The following SPATA31D3 variants were observed in gnomAD, a reference collection of about 807,000 sequenced individuals.
The protein encoded by SPATA31D3 is spermatogenesis-associated protein 31D3.
For missense variants in SPATA31D3, 91 were observed against 297.9 expected, an observed-to-expected ratio of 0.31 and a Z score of 5.11; for synonymous variants, 27 against 107.8, an observed-to-expected ratio of 0.25 and a Z score of 4.65.
In SPATA31D3 at chr9:81,949,125, G is replaced by C; in HGVS notation, c.*1118G>C. On this transcript the variant is annotated 3_prime_UTR_variant, in exon 4 of 4. Transcript: ENST00000445385. The stretch of plus-strand genomic sequence containing the variant: ...GTGTGGCACAGCAGCAGGAGCCCAG[G>C]GTCCCTACGCATGTCTTACAGAAAT... 4.8e-6 allele frequency: 3 copies of C among 625,928 alleles called. No individual in the cohort carries two copies. The highest frequency in any genetic ancestry group is 8.6e-6 in the Non-Finnish European group (3 of 346,866). The allele number at this position is 625,928 out of a possible 1,614,324, so 38.8% of individuals were successfully genotyped here. A position where few individuals can be genotyped will look rare whatever the true frequency, so the allele number is the denominator to read the frequency against.
Position 81,945,300 on chromosome 9 carries a change from T to TA in SPATA31D3, c.293+68_293+69insA, listed in dbSNP as rs1393196314. 86 of 1,252,062 alleles carry TA rather than the reference T, an allele frequency of 6.9e-5. 2 individuals are homozygous for TA. In the African/African-American group the frequency reaches 1.4e-3, roughly 21 times the overall value. 77.6% of individuals were successfully genotyped at this position (1,252,062 alleles called of 1,614,324 possible). A position where few individuals can be genotyped will look rare whatever the true frequency, so the allele number is the denominator to read the frequency against. On this transcript the variant is annotated intron_variant, in intron 3 of 3. Coordinates refer to ENST00000445385, the MANE Select transcript of SPATA31D3 (RefSeq NM_207416.3). ...TTTTTTTTTTTTTTTTTTTTTTTTT[T>TA]TTTTTTTTTTTTTTTTTGCATGTTC...
In SPATA31D3 at chr9:81,949,310, A is replaced by G; in HGVS notation, c.*1303A>G. On this transcript the variant is annotated 3_prime_UTR_variant, in exon 4 of 4. Coordinates refer to ENST00000445385, the MANE Select transcript of SPATA31D3 (RefSeq NM_207416.3). Reference sequence around the variant, plus strand: ...ACATCAAGGGAGTCGCTTGGGAGCAAATCTTCCCCAACCTTGAAAACACAG... The same window carrying G: ...ACATCAAGGGAGTCGCTTGGGAGCAGATCTTCCCCAACCTTGAAAACACAG... 2.7e-6 allele frequency: 1 copy of G among 367,950 alleles called. No individual in the cohort carries two copies. The highest frequency in any genetic ancestry group is 5.3e-6 in the Non-Finnish European group (1 of 189,078). 22.8% of individuals were successfully genotyped at this position (367,950 alleles called of 1,614,324 possible).
rs769813922 is a variant in SPATA31D3 at position 81,947,922 on chromosome 9, C to A, written c.2669C>A (p.Ser890Tyr). ...DHRVDTSQEM[S>Y]FLSSNKQKML... ...CGCGTTGATACCTCCCAGGAGATGTCCTTCCTTAGTTCCAACAAACAAAAG... is the reference window on the plus strand; with the variant it reads ...CGCGTTGATACCTCCCAGGAGATGTACTTCCTTAGTTCCAACAAACAAAAG... Residue 890 changes from serine to tyrosine, a missense_variant, in exon 4 of 4, where the codon TCC becomes TAC. By Grantham distance (144) the Ser-to-Tyr change is moderately radical (BLOSUM62 -2). Transcript: ENST00000445385. 46 of 1,610,138 alleles carry A rather than the reference C, an allele frequency of 2.9e-5. No individual in the cohort carries two copies. Among genetic ancestry groups the A allele is most frequent in the African/African-American group, 5.4e-5 (4 of 74,466 alleles).
chr9:81,949,609 T>C lies in SPATA31D3; in HGVS notation c.*1602T>C. On this transcript the variant is annotated 3_prime_UTR_variant, in exon 4 of 4. Coordinates refer to ENST00000445385, the MANE Select transcript of SPATA31D3 (RefSeq NM_207416.3). ...CACCTGTCCCCAGGAGCCCCTTTCCTCCCCAGTGCAGCTTGGGAAATCTCA... is the reference window on the plus strand; with the variant it reads ...CACCTGTCCCCAGGAGCCCCTTTCCCCCCCAGTGCAGCTTGGGAAATCTCA... 1.4e-6 allele frequency: 1 copy of C among 712,058 alleles called. No individual in the cohort carries two copies. Among genetic ancestry groups the C allele is most frequent in the Non-Finnish European group, 2.5e-6 (1 of 394,582 alleles). 44.1% of individuals were successfully genotyped at this position (712,058 alleles called of 1,614,324 possible).
In SPATA31D3 at chr9:81,949,325, T is replaced by C. The variant is rs1243333685; in HGVS notation, c.*1318T>C. 2.7e-6 allele frequency: 1 copy of C among 373,046 alleles called. No individual in the cohort carries two copies. The highest frequency in any genetic ancestry group is 5.9e-5 in the East Asian group (1 of 16,834). The allele number at this position is 373,046 out of a possible 1,614,324, so 23.1% of individuals were successfully genotyped here. ...CTTGGGAGCAAATCTTCCCCAACCT[T>C]GAAAACACAGCCTCCTCCTGAAAAC... is the stretch of plus-strand genomic sequence containing the variant. On this transcript the variant is annotated 3_prime_UTR_variant, in exon 4 of 4. Coordinates refer to ENST00000445385, the MANE Select transcript of SPATA31D3 (RefSeq NM_207416.3).
At chr9:81,945,273 C>CTTTTTTGTTTTTTTTTTT (rs1823869772) in intron 3 of SPATA31D3, 41 bp downstream of exon 3, 1 of 79,012 alleles carries the variant, frequency 1.3e-5, no homozygotes, top group Non-Finnish European at 2.3e-5. Flanking sequence ...CCACCGCCTT[C>CTTTTTTGTTTTTTTTTTT]TTTTTTTTTT....
Position 81,949,666 on chromosome 9 carries a change from C to G in SPATA31D3, c.*1659C>G. 6 of 1,125,260 alleles carry G rather than the reference C, an allele frequency of 5.3e-6. No homozygotes were observed. Among genetic ancestry groups the G allele is most frequent in the Admixed American group, 3.5e-5 (2 of 57,730 alleles). 69.7% of individuals were successfully genotyped at this position (1,125,260 alleles called of 1,614,324 possible). Reference sequence around the variant, plus strand: ...GCCAGAACTGCAGGTCAGAGCAGAGCCTGTCCAGGGCTATCCCTGCAACTA... The same window carrying G: ...GCCAGAACTGCAGGTCAGAGCAGAGGCTGTCCAGGGCTATCCCTGCAACTA... On this transcript the variant is annotated 3_prime_UTR_variant, in exon 4 of 4. Transcript: ENST00000445385.
At position 81,945,618 on chromosome 9, in the gene SPATA31D3, G is replaced by A; in HGVS notation, c.365G>A (p.Cys122Tyr). Residue 122 changes from cysteine to tyrosine, a missense_variant, in exon 4 of 4, where the codon TGC becomes TAC. Cys to Tyr is a radical substitution (Grantham distance 194, BLOSUM62 -2). Transcript: ENST00000445385. ...HDTTLFRRLL[C>Y]PDPVCRVCNR... ...ACCACCCTCTTTCGTCGACTGTTAT[G>A]CCCAGACCCTGTCTGTCGGGTGTGT... 7.3e-6 allele frequency: 1 copy of A among 137,800 alleles called. No homozygotes were observed. The highest frequency in any genetic ancestry group is 1.2e-5 in the Non-Finnish European group (1 of 82,182). The allele number at this position is 137,800 out of a possible 1,614,324, so 8.5% of individuals were successfully genotyped here. A position where few individuals can be genotyped will look rare whatever the true frequency, so the allele number is the denominator to read the frequency against.
chr9:81,949,581 T>C lies in SPATA31D3; in HGVS notation c.*1574T>C. ...AGCTGGGGCATAGACATTGAATAGA[T>C]ATCACCTGTCCCCAGGAGCCCCTTT... On this transcript the variant is annotated 3_prime_UTR_variant, in exon 4 of 4. Coordinates refer to ENST00000445385, the MANE Select transcript of SPATA31D3 (RefSeq NM_207416.3). 10 of 637,148 alleles carry C rather than the reference T, an allele frequency of 1.6e-5. No individual in the cohort carries two copies. The highest frequency in any genetic ancestry group is 1.0e-4 in the South Asian group (6 of 59,810). 39.5% of individuals were successfully genotyped at this position (637,148 alleles called of 1,614,324 possible).
chr9:81,950,077 C>T lies in SPATA31D3; in HGVS notation c.*2070C>T, dbSNP rs148918923. 2 of 256,886 alleles carry T rather than the reference C, an allele frequency of 7.8e-6. No individual in the cohort carries two copies. Among genetic ancestry groups the T allele is most frequent in the East Asian group, 8.4e-5 (1 of 11,910 alleles). 15.9% of individuals were successfully genotyped at this position (256,886 alleles called of 1,614,324 possible). On this transcript the variant is annotated 3_prime_UTR_variant, in exon 4 of 4. Transcript: ENST00000445385. ...GAGAATCTTGACTCTCCCCAATAAA[C>T]GTTCTAATAAGAATAAGAAGGATGT...
Position 81,947,953 on chromosome 9 carries a change from GGAAGCCCATATTAAATCTTTCCATAT to G in SPATA31D3, c.2729_2754del (p.Lys910ArgfsTer475), listed in dbSNP as rs1442841022. Reference sequence around the variant, plus strand: ...TTAGTTCCAACAAACAAAAGATGTTGGAAGCCCATATTAAATCTTTCCATATGAAGCCCATATTAAATCTTTCCATA... The same window carrying G: ...TTAGTTCCAACAAACAAAAGATGTTGGAAGCCCATATTAAATCTTTCCATA... On this transcript the variant is annotated frameshift_variant, in exon 4 of 4. Coordinates refer to ENST00000445385, the MANE Select transcript of SPATA31D3 (RefSeq NM_207416.3). LOFTEE classifies it low-confidence loss of function (END_TRUNC). 1.7e-5 allele frequency: 27 copies of G among 1,582,190 alleles called. No homozygotes were observed. The highest frequency in any genetic ancestry group is 3.5e-5 in the South Asian group (3 of 85,952).
chr9:81,947,653 A>G lies in SPATA31D3; in HGVS notation c.2400A>G (p.Arg800=). ...SEEDLRSNSE[R]DLGTHMMHLS... Reference sequence around the variant, plus strand: ...AGGATCTGAGGTCTAACTCTGAGAGAGACCTAGGAACTCATATGATGCATC... The same window carrying G: ...AGGATCTGAGGTCTAACTCTGAGAGGGACCTAGGAACTCATATGATGCATC... The change falls in exon 4 of 4, where the codon AGA becomes AGG. Residue 800 remains arginine (R), a synonymous_variant. Transcript: ENST00000445385. The G allele has an allele frequency of 6.3e-7, 1 of 1,579,552 alleles. No individual in the cohort carries two copies. Among genetic ancestry groups the G allele is most frequent in the Non-Finnish European group, 8.6e-7 (1 of 1,158,980 alleles).
rs1823988360 is a variant in SPATA31D3, at chr9:81,949,656, C to T, written c.*1649C>T. 16 of 1,043,880 alleles carry T rather than the reference C, an allele frequency of 1.5e-5. 1 individual carries two copies. In the South Asian group the frequency reaches 1.9e-4, roughly 13 times the overall value. 64.7% of individuals were successfully genotyped at this position (1,043,880 alleles called of 1,614,324 possible). A position where few individuals can be genotyped will look rare whatever the true frequency, so the allele number is the denominator to read the frequency against. On this transcript the variant is annotated 3_prime_UTR_variant, in exon 4 of 4. Coordinates refer to ENST00000445385, the MANE Select transcript of SPATA31D3 (RefSeq NM_207416.3). ...CTCAGAATGTGCCAGAACTGCAGGTCAGAGCAGAGCCTGTCCAGGGCTATC... is the reference window on the plus strand; with the variant it reads ...CTCAGAATGTGCCAGAACTGCAGGTTAGAGCAGAGCCTGTCCAGGGCTATC...
chr9:81,949,372 A>AT lies in SPATA31D3; in HGVS notation c.*1365_*1366insT. ...AAACCTTTTCGGAACATTGATGAAG[A>AT]CCTTTTTGCAGCAGTCTAATAAACC... On this transcript the variant is annotated 3_prime_UTR_variant, in exon 4 of 4. Coordinates refer to ENST00000445385, the MANE Select transcript of SPATA31D3 (RefSeq NM_207416.3). The AT allele has an allele frequency of 2.8e-6, 1 of 353,328 alleles. No individual in the cohort carries two copies. Among genetic ancestry groups the AT allele is most frequent in the Non-Finnish European group, 5.6e-6 (1 of 179,166 alleles). 21.9% of individuals were successfully genotyped at this position (353,328 alleles called of 1,614,324 possible). A position where few individuals can be genotyped will look rare whatever the true frequency, so the allele number is the denominator to read the frequency against.
rs1823986628 is a variant in SPATA31D3, at chr9:81,949,616, T to C, written c.*1609T>C. The C allele has an allele frequency of 1.3e-6, 1 of 747,134 alleles. No individual in the cohort carries two copies. The highest frequency in any genetic ancestry group is 1.5e-5 in the South Asian group (1 of 65,938). 46.3% of individuals were successfully genotyped at this position (747,134 alleles called of 1,614,324 possible). ...CCCCAGGAGCCCCTTTCCTCCCCAG[T>C]GCAGCTTGGGAAATCTCAGAATGTG... On this transcript the variant is annotated 3_prime_UTR_variant, in exon 4 of 4. Transcript: ENST00000445385.
chr9:81,947,936 A>G lies in SPATA31D3; in HGVS notation c.2683A>G (p.Asn895Asp). 1 of 1,605,122 alleles carries G rather than the reference A, an allele frequency of 6.2e-7. No individual in the cohort carries two copies. The highest frequency in any genetic ancestry group is 8.5e-7 in the Non-Finnish European group (1 of 1,176,066). Residue 895 changes from asparagine to aspartate, a missense_variant, in exon 4 of 4, where the codon AAC (asparagine) becomes GAC (aspartate). Physicochemically the swap from Asn to Asp is conservative, Grantham distance 23 (BLOSUM62 1). Coordinates refer to ENST00000445385, the MANE Select transcript of SPATA31D3 (RefSeq NM_207416.3). ...TSQEMSFLSSNKQKMLEAHIK... is the reference protein window; with the variant it reads ...TSQEMSFLSSDKQKMLEAHIK... ...CCAGGAGATGTCCTTCCTTAGTTCC[A>G]ACAAACAAAAGATGTTGGAAGCCCA... is the stretch of plus-strand genomic sequence containing the variant.
In SPATA31D3 at chr9:81,949,520, A is replaced by G; in HGVS notation, c.*1513A>G. 1.8e-6 allele frequency: 1 copy of G among 559,070 alleles called. No individual in the cohort carries two copies. Among genetic ancestry groups the G allele is most frequent in the Admixed American group, 2.8e-5 (1 of 36,330 alleles). The allele number at this position is 559,070 out of a possible 1,614,324, so 34.6% of individuals were successfully genotyped here. A position where few individuals can be genotyped will look rare whatever the true frequency, so the allele number is the denominator to read the frequency against. ...TTTACTGGGACTATTGAAGCTCAGAAAATTAGGAAAGACACTGGGGAGTTC... is the reference window on the plus strand; with the variant it reads ...TTTACTGGGACTATTGAAGCTCAGAGAATTAGGAAAGACACTGGGGAGTTC... On this transcript the variant is annotated 3_prime_UTR_variant, in exon 4 of 4. Transcript: ENST00000445385.
chr9:81,949,570 C>G lies in SPATA31D3; in HGVS notation c.*1563C>G, dbSNP rs908809367. On this transcript the variant is annotated 3_prime_UTR_variant, in exon 4 of 4. Transcript: ENST00000445385. The stretch of plus-strand genomic sequence containing the variant: ...CATAGAAGAGAAGCTGGGGCATAGA[C>G]ATTGAATAGATATCACCTGTCCCCA... The G allele has an allele frequency of 3.5e-5, 22 of 620,494 alleles. No homozygotes were observed. Among genetic ancestry groups the G allele is most frequent in the African/African-American group, 2.2e-4 (12 of 54,486 alleles). The allele number at this position is 620,494 out of a possible 1,614,324, so 38.4% of individuals were successfully genotyped here.
rs1424124187 is a variant in SPATA31D3, at chr9:81,949,369, A to C, written c.*1362A>C. On this transcript the variant is annotated 3_prime_UTR_variant, in exon 4 of 4. Coordinates refer to ENST00000445385, the MANE Select transcript of SPATA31D3 (RefSeq NM_207416.3). The stretch of plus-strand genomic sequence containing the variant: ...TGAAAACCTTTTCGGAACATTGATG[A>C]AGACCTTTTTGCAGCAGTCTAATAA... 2.8e-5 allele frequency: 10 copies of C among 356,202 alleles called. No homozygotes were observed. Among genetic ancestry groups the C allele is most frequent in the Non-Finnish European group, 5.0e-5 (9 of 180,880 alleles). The allele number at this position is 356,202 out of a possible 1,614,324, so 22.1% of individuals were successfully genotyped here.
Sources: allele counts gnomAD v4.1 joint callset, GRCh38; gene constraint gnomAD v4.1.1; transcripts MANE v1.5; gene names NCBI Gene and HGNC (gene_info 2026-07-23, HGNC 2026-07-21).